Variants in TTC7B observed in about 807,000 individuals in gnomAD.
The protein encoded by TTC7B is tetratricopeptide repeat protein 7B.
Under a neutral mutation model 106.8 loss-of-function variants are expected in TTC7B, and 28 were observed. The observed-to-expected ratio is 0.26, with a 90% CI of 0.19 to 0.36. The LOEUF (loss-of-function observed/expected upper bound fraction) is 0.36. TTC7B is among the 10% of genes least tolerant of loss of function. The pLI is 1.00. For missense variants in TTC7B, 862 were observed against 1,076.4 expected (o/e 0.80, Z 2.79); for synonymous variants, 405 against 430.6 (o/e 0.94, Z 0.74).
At chr14:90,605,662 G>T (rs908464774) in intron 17 of TTC7B, 3 of 1,289,160 alleles carry the variant, frequency 2.3e-6, no homozygotes, top group African/African-American at 3.0e-5. Context: ...CCACACAAAG[G>T]TATCGGGTTT....
intron 3 of TTC7B, among the ~76,000 whole-genome samples, chr14:90,780,409 G>GAGAAAGAA (rs10586662): frequency 7.1e-6 from 1 of 140,376 alleles, no homozygotes; most frequent in Non-Finnish European, 1.5e-5. Flanking sequence ...GAAAGAAACA[G>GAGAAAGAA]AGAAAGAAAG....
chr14:90,526,610 CAT>C lies in TTC7B; in HGVS notation c.*14756_*14757del, dbSNP rs1439207205. The C allele has an allele frequency of 7.9e-5, 12 of 152,386 alleles. No homozygotes were observed. The highest frequency in any genetic ancestry group is 2.6e-4 in the Admixed American group (4 of 15,304). 9.4% of individuals were successfully genotyped at this position (152,386 alleles called of 1,614,324 possible). ...TGAATTGTAGTTCCCATAATCCCCA[CAT>C]GTCATGGGAGGGACCCGGTGCAAGG... On this transcript the variant is annotated 3_prime_UTR_variant, in exon 20 of 20. Transcript: ENST00000328459.
chr14:90,529,590 G>C lies in TTC7B; in HGVS notation c.*11778C>G, dbSNP rs1409838001. 2 of 152,324 alleles carry C rather than the reference G, an allele frequency of 1.3e-5. No homozygotes were observed. Among genetic ancestry groups the C allele is most frequent in the East Asian group, 3.9e-4 (2 of 5,188 alleles). The allele number at this position is 152,324 out of a possible 1,614,324, so 9.4% of individuals were successfully genotyped here. On this transcript the variant is annotated 3_prime_UTR_variant, in exon 20 of 20. Coordinates refer to ENST00000328459, the MANE Select transcript of TTC7B (RefSeq NM_001010854.2). ...AGGCAACCTGGGTTCAAGGCCTGCT[G>C]TAGTATTACCCAAACTTGGGCAAGT...
In TTC7B at chr14:90,608,783, A is replaced by G. The variant is rs1383174608; in HGVS notation, c.1966+1959T>C. Reference sequence around the variant, plus strand: ...GCAACGGGAAGAATGAATAACAAGGACCTCATTTATTTTCTGACACTACCT... The same window carrying G: ...GCAACGGGAAGAATGAATAACAAGGGCCTCATTTATTTTCTGACACTACCT... On this transcript the variant is annotated intron_variant, in intron 17 of 19. Transcript: ENST00000328459. This position sits in a 1 kb window ranked among gnomAD's most constrained non-coding sequence, Gnocchi z 5.1. Among the ~76,000 whole-genome samples the G allele has an allele frequency of 2.6e-5, 4 of 152,106 alleles. No homozygotes were observed. The highest frequency in any genetic ancestry group is 7.2e-5 in the African/African-American group (3 of 41,418).
intron 1 of TTC7B, among the ~76,000 whole-genome samples, chr14:90,787,054 G>A (rs1891417568): frequency 6.6e-6 from 1 of 152,180 alleles, no homozygotes; most frequent in Admixed American, 6.5e-5. Flanking sequence ...CTATGCAGCT[G>A]GTGGAATGTC....
chr14:90,727,371 C>A (rs1377147177), intron 5 of TTC7B, among the ~76,000 whole-genome samples: 1 of 152,204 alleles, frequency 6.6e-6, no homozygotes, highest in Non-Finnish European at 1.5e-5. Context: ...GTGACTGCAG[C>A]AAGGCACATC....
intron 9 of TTC7B, among the ~76,000 whole-genome samples, chr14:90,668,827 CTTTTTTTT>C (rs11291974): frequency 8.9e-4 from 79 of 88,530 alleles, no homozygotes; most frequent in African/African-American, 2.9e-3. Context: ...AAAATTTCAA[CTTTTTTTT>C]TTTTTTTTTT....
At chr14:90,568,622 T>C (rs753864558) in intron 19 of TTC7B, among the ~76,000 whole-genome samples, 7 of 152,142 alleles carry the variant, frequency 4.6e-5, no homozygotes, top group Non-Finnish European at 7.3e-5. Context: ...TAGTCCTCGG[T>C]GAGGACAGGG....
intron 19 of TTC7B, among the ~76,000 whole-genome samples, chr14:90,574,465 T>A (rs952514061): frequency 1.3e-5 from 2 of 152,212 alleles, no homozygotes; most frequent in African/African-American, 4.8e-5. Context: ...ATGATTTCTC[T>A]GCTCCCTTCT....
chr14:90,646,280 G>A (rs1885446278), intron 14 of TTC7B, among the ~76,000 whole-genome samples: 1 of 152,202 alleles, frequency 6.6e-6, no homozygotes, highest in South Asian at 2.1e-4. Flanking sequence ...TCTTGCACCT[G>A]GTGGGTGGCC....
chr14:90,660,417 A>AG (rs1555386788), intron 9 of TTC7B, among the ~76,000 whole-genome samples: 56 of 119,470 alleles, frequency 4.7e-4, no homozygotes, highest in African/African-American at 1.7e-3. Flanking sequence ...AAAAAAAAAA[A>AG]AAAAGAAAAG....
intron 1 of TTC7B, among the ~76,000 whole-genome samples, chr14:90,792,281 C>A (rs1270540936): frequency 1.3e-5 from 2 of 152,068 alleles, no homozygotes; most frequent in Non-Finnish European, 2.9e-5. Flanking sequence ...TCAGTTCCAT[C>A]AGCAGCAACT....
intron 17 of TTC7B, chr14:90,603,148 A>T (rs757864106): frequency 2.8e-5 from 22 of 772,538 alleles, no homozygotes; most frequent in Non-Finnish European, 4.0e-5. Flanking sequence ...TGTCCACGTC[A>T]TCTCAGCATT....
At chr14:90,782,237 G>A (rs1220002947) in intron 2 of TTC7B, among the ~76,000 whole-genome samples, 1 of 152,184 alleles carries the variant, frequency 6.6e-6, no homozygotes, top group Non-Finnish European at 1.5e-5. Context: ...TGGCCCAAGG[G>A]AGAGGCACCA....
At chr14:90,544,375 A>G (rs1274250465) in intron 19 of TTC7B, among the ~76,000 whole-genome samples, 2 of 152,178 alleles carry the variant, frequency 1.3e-5, no homozygotes, top group Admixed American at 1.3e-4. Flanking sequence ...GTGGCCAAAC[A>G]GCCGAGGGTA....
intron 3 of TTC7B, among the ~76,000 whole-genome samples, chr14:90,754,533 G>T (rs1890227928): frequency 6.6e-6 from 1 of 152,138 alleles, no homozygotes; most frequent in Non-Finnish European, 1.5e-5. Flanking sequence ...CCAAGTAGAA[G>T]AATTGTATTT....
chr14:90,745,102 T>C (rs1889911540), intron 3 of TTC7B, among the ~76,000 whole-genome samples, 180 bp from the exon 4 acceptor site: 1 of 152,128 alleles, frequency 6.6e-6, no homozygotes, highest in Admixed American at 6.5e-5. Context: ...CTTATTGCAC[T>C]GGCAGGAATC....
At chr14:90,555,184 C>T (rs955642271) in intron 19 of TTC7B, among the ~76,000 whole-genome samples, 1 of 152,216 alleles carries the variant, frequency 6.6e-6, no homozygotes, top group African/African-American at 2.4e-5. Flanking sequence ...TTCCAACAGT[C>T]CTTCCCTGAT....
intron 17 of TTC7B, among the ~76,000 whole-genome samples, chr14:90,606,904 C>G (rs61987024): frequency 0.056 from 8,463 of 152,218 alleles, 281 homozygotes; most frequent in Non-Finnish European, 0.075. Flanking sequence ...AATACTGAGG[C>G]TGCACTGTAT....
Sources: allele counts gnomAD v4.1 joint callset (sites outside exome capture counted in the v4.1 genomes callset), GRCh38; gene constraint gnomAD v4.1.1; non-coding constraint Gnocchi (gnomAD v3.1); transcripts MANE v1.5; gene names NCBI Gene and HGNC (gene_info 2026-07-23, HGNC 2026-07-21).